The following COL18A1 variants were observed in gnomAD, a reference collection of about 807,000 sequenced individuals.
The protein encoded by COL18A1 is collagen type XVIII alpha 1 chain, also known as collagen alpha-1(XVIII) chain.
Under a neutral mutation model 168.0 loss-of-function variants are expected in COL18A1, and 133 were observed. The ratio of observed to expected loss-of-function variants is 0.79; its 90% CI spans 0.69 to 0.91. The LOEUF is 0.91. Ranked by LOEUF, COL18A1 falls within the 40% of genes least tolerant of loss-of-function variation. The pLI is 0.00. For synonymous variants in COL18A1, 949 were observed against 809.0 expected (o/e 1.17, Z -2.94); for missense variants, 2,126 against 1,925.4 (o/e 1.10, Z -1.95).
Position 45,505,518 on chromosome 21 carries a change from G to A in COL18A1, c.3087+87G>A, listed in dbSNP as rs988013360. 129 of 762,248 alleles carry A rather than the reference G, an allele frequency of 1.7e-4. 2 individuals carry two copies. In the Middle Eastern group the frequency reaches 1.8e-3, roughly 10 times the overall value. The allele number at this position is 762,248 out of a possible 1,614,324, so 47.2% of individuals were successfully genotyped here. A position where few individuals can be genotyped will look rare whatever the true frequency, so the allele number is the denominator to read the frequency against. The stretch of plus-strand genomic sequence containing the variant: ...CTGCCCCTCAGAGACACTCTCCCAC[G>A]GACCCCACAGGGAGATATACAGGAG... On this transcript the variant is annotated intron_variant, in intron 36 of 41. Transcript: ENST00000651438.
At chr21:45,460,425 C>T (rs1268630115) in intron 2 of COL18A1, among the ~76,000 whole-genome samples, 1 of 152,206 alleles carries the variant, frequency 6.6e-6, no homozygotes, top group East Asian at 1.9e-4. Context: ...GTGCACAGGC[C>T]CCTGGGCTGG....
chr21:45,440,191 C>T (rs1272716051), intron 2 of COL18A1, among the ~76,000 whole-genome samples: 1 of 152,246 alleles, frequency 6.6e-6, no homozygotes, highest in African/African-American at 2.4e-5. Context: ...TCCGCACCAG[C>T]TCAGCTTCCT....
chr21:45,478,389 T>G, intron 9 of COL18A1, 36 bp downstream of exon 9: 1 of 1,614,180 alleles, frequency 6.2e-7, no homozygotes, highest in Non-Finnish European at 8.5e-7. Flanking sequence ...CTGTGTTATC[T>G]GTGATGTTTG....
intron 19 of COL18A1, 145 bp from the exon 20 acceptor site, chr21:45,490,130 C>T: frequency 7.2e-6 from 3 of 415,308 alleles, no homozygotes; most frequent in Non-Finnish European, 1.4e-5. Context: ...CTCCATCCCT[C>T]CACAGCCCCT....
At chr21:45,410,253 G>C (rs1602326795) in intron 2 of COL18A1, among the ~76,000 whole-genome samples, 2 of 73,582 alleles carry the variant, frequency 2.7e-5, no homozygotes, top group African/African-American at 1.2e-4. Context: ...CGCCACCTCG[G>C]GGCTGATCCC....
At position 45,511,166 on chromosome 21, in the gene COL18A1, T is replaced by C. The variant is rs766085368; in HGVS notation, c.3749T>C (p.Leu1250Pro). The C allele has an allele frequency of 2.9e-5, 47 of 1,601,634 alleles. No homozygotes were observed. The highest frequency in any genetic ancestry group is 3.7e-5 in the Non-Finnish European group (44 of 1,174,266). Residue 1250 changes from leucine to proline, a missense_variant, in exon 41 of 42, where the codon CTG becomes CCG. Transcript: ENST00000651438. ...EALFSGSEGPLKPGARIFSFD... is the reference protein window; with the variant it reads ...EALFSGSEGPPKPGARIFSFD... The stretch of plus-strand genomic sequence containing the variant: ...CTGTTCTCAGGCTCTGAGGGTCCGC[T>C]GAAGCCCGGGGCACGCATCTTCTCC...
intron 2 of COL18A1, among the ~76,000 whole-genome samples, chr21:45,430,591 G>C (rs143917419): frequency 6.6e-6 from 1 of 152,172 alleles, no homozygotes; most frequent in Non-Finnish European, 1.5e-5. Flanking sequence ...CCCCGGGTCC[G>C]GTTACAAAGG....
At position 45,504,557 on chromosome 21, in the gene COL18A1, G is replaced by A; in HGVS notation, c.2868+1G>A. 1 of 1,568,530 alleles carries A rather than the reference G, an allele frequency of 6.4e-7. No individual in the cohort carries two copies. The highest frequency in any genetic ancestry group is 8.6e-7 in the Non-Finnish European group (1 of 1,158,180). The stretch of plus-strand genomic sequence containing the variant: ...CCCACGTGGCTACCCTGGGATTCCA[G>A]TAAGTCCCAGCCTGTGCAGGCAGAG... On this transcript the variant is annotated splice_donor_variant, in intron 34 of 41. Transcript: ENST00000651438. LOFTEE classifies it high-confidence loss of function.
chr21:45,477,578 C>A, intron 7 of COL18A1, 91 bp downstream of exon 7: 1 of 1,364,288 alleles, frequency 7.3e-7, no homozygotes, highest in Non-Finnish European at 1.0e-6. Flanking sequence ...GATGAAGCCC[C>A]TCTGTGCCCG....
intron 2 of COL18A1, among the ~76,000 whole-genome samples, chr21:45,411,394 C>T (rs1260222439): frequency 6.6e-6 from 1 of 152,136 alleles, no homozygotes; most frequent in Non-Finnish European, 1.5e-5. Context: ...GATAGCCCAG[C>T]CACTGTTCTT....
chr21:45,478,297 C>T (rs2035755889), intron 8 of COL18A1, 30 bp from the exon 9 acceptor site: 2 of 1,613,928 alleles, frequency 1.2e-6, no homozygotes, highest in Admixed American at 1.7e-5. Context: ...AGTCATTTCC[C>T]ATCACTAATG....
chr21:45,423,104 G>A lies in COL18A1; in HGVS notation c.106+17631G>A, dbSNP rs539679975. On this transcript the variant is annotated intron_variant, in intron 2 of 41. Transcript: ENST00000651438. The surrounding 1 kb of genome is among the most constrained non-coding windows in gnomAD (Gnocchi z 4.0). ...GTTGGGATTATAGGTGTGAGCCACC[G>A]CACCCGGCCGAAGTGGTTTTAATGT... Among the ~76,000 whole-genome samples, 7 of 152,070 alleles carry A rather than the reference G, an allele frequency of 4.6e-5. No homozygotes were observed. The highest frequency in any genetic ancestry group is 6.6e-5 in the Admixed American group (1 of 15,260).
In COL18A1 at chr21:45,482,812, A is replaced by G; in HGVS notation, c.1692A>G (p.Pro564=). 6.2e-7 allele frequency: 1 copy of G among 1,614,160 alleles called. No homozygotes were observed. The highest frequency in any genetic ancestry group is 8.5e-7 in the Non-Finnish European group (1 of 1,180,028). The change falls in exon 15 of 42, where the codon CCA becomes CCG. Residue 564 remains proline, a synonymous_variant. Transcript: ENST00000651438. ...CCGTACAGGGTGAAGCAGGCGCCCC[A>G]GGACATAAGGTACAAGCAGAATCCC... The part of the protein sequence containing the change: ...QKGSLGEAGA[P]GHKGSKGAPG...
At chr21:45,475,671 G>A in intron 5 of COL18A1, 136 bp downstream of exon 5, 1 of 812,788 alleles carries the variant, frequency 1.2e-6, no homozygotes, top group Admixed American at 2.2e-5. Flanking sequence ...TTCCTGGCTG[G>A]GGACAGGGAT....
rs1007807650 is a variant in COL18A1, at chr21:45,437,103, GCACACACACT to G, written c.107-31130_107-31121del. Among the ~76,000 whole-genome samples, 5 of 114,618 alleles carry G rather than the reference GCACACACACT, an allele frequency of 4.4e-5. 1 individual carries two copies. Among genetic ancestry groups the G allele is most frequent in the African/African-American group, 1.6e-4 (4 of 24,248 alleles). 75.2% of individuals were successfully genotyped at this position (114,618 alleles called of 152,430 possible). The stretch of plus-strand genomic sequence containing the variant: ...CACAGCATCACACAGGCACTCTCCT[GCACACACACT>G]CACACACAGACACACAGGCACTCTC... On this transcript the variant is annotated intron_variant, in intron 2 of 41. Coordinates refer to ENST00000651438, the MANE Select transcript of COL18A1 (RefSeq NM_001379500.1).
At chr21:45,482,191 CG>C (rs2035923238) in intron 14 of COL18A1, 166 bp downstream of exon 14, 1 of 630,668 alleles carries the variant, frequency 1.6e-6, no homozygotes. Flanking sequence ...CTGACCTGGG[CG>C]GCTGGGGCTT....
chr21:45,418,207 G>A (rs771094150), intron 2 of COL18A1, among the ~76,000 whole-genome samples: 15 of 152,342 alleles, frequency 9.8e-5, no homozygotes, highest in South Asian at 2.1e-4. Flanking sequence ...TGAGGACAGC[G>A]CTGAGCGGAG....
chr21:45,489,511 C>G lies in COL18A1; in HGVS notation c.1949C>G (p.Pro650Arg). 6.2e-7 allele frequency: 1 copy of G among 1,602,546 alleles called. No individual in the cohort carries two copies. Among genetic ancestry groups the G allele is most frequent in the Non-Finnish European group, 8.5e-7 (1 of 1,174,458 alleles). Reference sequence around the variant, plus strand: ...GGGGATCCTGGCGTGCCTGGGCTGCCGGGGGCGAAGGTAAGCGCTGTGCCC... The same window carrying G: ...GGGGATCCTGGCGTGCCTGGGCTGCGGGGGGCGAAGGTAAGCGCTGTGCCC... The part of the protein sequence containing the change: ...LKGDPGVPGL[P>R]GAKGEVGADG... The change falls in exon 19 of 42, where the codon CCG becomes CGG. Residue 650 changes from proline to arginine, a missense_variant. Physicochemically the swap from Pro to Arg is moderately radical, Grantham distance 103. Transcript: ENST00000651438.
chr21:45,509,959 C>A, intron 39 of COL18A1, 105 bp from the exon 40 acceptor site: 2 of 1,329,418 alleles, frequency 1.5e-6, no homozygotes, highest in Non-Finnish European at 2.0e-6. Context: ...CAGCGCCCCT[C>A]GGCCGTGCCT....
Sources: gnomAD v4.1 joint callset for allele counts (sites outside exome capture counted in the v4.1 genomes callset) on GRCh38, gnomAD v4.1.1 for gene constraint, Gnocchi (gnomAD v3.1) non-coding constraint, MANE v1.5 for transcripts, NCBI Gene and HGNC (gene_info 2026-07-23, HGNC 2026-07-21) for gene names.